Variants in UBR3 observed in about 807,000 individuals in gnomAD.
UBR3 encodes the protein ubiquitin protein ligase E3 component n-recognin 3.
A neutral mutation model predicts 243.2 loss-of-function variants in UBR3; 85 were observed. That is an observed-to-expected ratio of 0.35 (90% CI 0.29 to 0.42). The LOEUF (loss-of-function observed/expected upper bound fraction) is 0.42, where lower values mean the gene tolerates loss of function less well. UBR3 is among the 10% of genes least tolerant of loss of function. The pLI is 1.00. For synonymous variants in UBR3, 748 were observed against 799.8 expected (o/e 0.94, Z 1.09); for missense variants, 1,686 against 2,300.8 (o/e 0.73, Z 5.47).
chr2:169,843,786 CAG>C (rs1447342809), intron 1 of UBR3, among the ~76,000 whole-genome samples: 1 of 152,138 alleles, frequency 6.6e-6, no homozygotes, highest in Non-Finnish European at 1.5e-5. Context: ...ATTTTGGTCT[CAG>C]GGTAAAGCTG....
chr2:170,023,634 C>T (rs555610880), intron 30 of UBR3, among the ~76,000 whole-genome samples: 8 of 152,120 alleles, frequency 5.3e-5, no homozygotes, highest in African/African-American at 1.9e-4. Context: ...GCTCTGTCAC[C>T]CAGGCTGGAG....
At chr2:170,079,368 A>G (rs982224758) in intron 36 of UBR3, among the ~76,000 whole-genome samples, 6 of 152,232 alleles carry the variant, frequency 3.9e-5, no homozygotes, top group Non-Finnish European at 8.8e-5. Context: ...TAAAGTAGAA[A>G]AAATGAGTTA....
chr2:169,950,042 G>A lies in UBR3; in HGVS notation c.3522G>A (p.Lys1174=). The A allele has an allele frequency of 6.4e-7, 1 of 1,564,808 alleles. No homozygotes were observed. The highest frequency in any genetic ancestry group is 8.6e-7 in the Non-Finnish European group (1 of 1,159,942). ...CTAAAAAAGTCACTGCAGCAGAGAA[G>A]AAAACATTGGACAAAGAAGAAAGGT... ...VPPKKVTAAE[K]KTLDKEERRQ... is the part of the protein sequence containing the mutation. The change falls in exon 23 of 39, where the codon AAG becomes AAA. Residue 1174 remains lysine, a synonymous_variant. Transcript: ENST00000272793.
At chr2:169,885,466 A>C (rs115653066) in intron 5 of UBR3, among the ~76,000 whole-genome samples, 1 of 152,074 alleles carries the variant, frequency 6.6e-6, no homozygotes, top group East Asian at 1.9e-4. Flanking sequence ...CTGTAATCCT[A>C]GCTCCGGAGG....
In UBR3 at chr2:170,008,848, T is replaced by C; in HGVS notation, c.4275T>C (p.Asp1425=). ...AAGAAATGGAATCTGTAATGAAAGATATAAAAAATACCACTCAGAAGAAAT... is the reference window on the plus strand; with the variant it reads ...AAGAAATGGAATCTGTAATGAAAGACATAAAAAATACCACTCAGAAGAAAT... ...LSKEMESVMK[D]IKNTTQKKYR... is the part of the protein sequence containing the mutation. The change falls in exon 29 of 39, where the codon GAT becomes GAC. Residue 1425 remains aspartate (D), a synonymous_variant. Transcript: ENST00000272793. The C allele has an allele frequency of 6.7e-7, 1 of 1,500,406 alleles. No individual in the cohort carries two copies. Among genetic ancestry groups the C allele is most frequent in the Non-Finnish European group, 9.2e-7 (1 of 1,089,852 alleles). 92.9% of individuals were successfully genotyped at this position (1,500,406 alleles called of 1,614,324 possible).
intron 8 of UBR3, among the ~76,000 whole-genome samples, chr2:169,903,600 A>T (rs2084908803): frequency 1.3e-5 from 2 of 152,206 alleles, no homozygotes; most frequent in East Asian, 3.9e-4. Context: ...TATTTGGTAA[A>T]ATAATTCTGT....
chr2:170,072,484 A>T (rs904605862), intron 35 of UBR3, among the ~76,000 whole-genome samples: 1 of 152,222 alleles, frequency 6.6e-6, no homozygotes, highest in Non-Finnish European at 1.5e-5. Flanking sequence ...ATGACGAGTT[A>T]ATGGGTACAG....
chr2:169,862,035 T>C (rs1300511796), intron 1 of UBR3, among the ~76,000 whole-genome samples: 5 of 152,232 alleles, frequency 3.3e-5, no homozygotes, highest in Non-Finnish European at 5.9e-5. Flanking sequence ...TGGTTCTATT[T>C]CTGGACCCAT....
chr2:170,049,770 CT>C (rs1429851597), intron 32 of UBR3, among the ~76,000 whole-genome samples: 1 of 152,080 alleles, frequency 6.6e-6, no homozygotes, highest in African/African-American at 2.4e-5. Context: ...GTCTGATTTT[CT>C]TTACTATCGC....
rs555868230 is a variant in UBR3, at chr2:169,848,027, A to C, written c.545+19975A>C. On this transcript the variant is annotated intron_variant, in intron 1 of 38. Transcript: ENST00000272793. Reference sequence around the variant, plus strand: ...CCTAGATGCTTAGTTCTGTCTTCTCAGCTTCATAGAGTTTGGCCCCATTTT... The same window carrying C: ...CCTAGATGCTTAGTTCTGTCTTCTCCGCTTCATAGAGTTTGGCCCCATTTT... Among the ~76,000 whole-genome samples the C allele has an allele frequency of 8.5e-5, 13 of 152,310 alleles. No individual in the cohort carries two copies. In the East Asian group the frequency reaches 2.5e-3, roughly 29 times the overall value.
intron 7 of UBR3, among the ~76,000 whole-genome samples, chr2:169,895,799 T>C (rs1401118268): frequency 1.3e-5 from 2 of 152,168 alleles, no homozygotes; most frequent in Non-Finnish European, 2.9e-5. Flanking sequence ...AAGTTTCTAG[T>C]CCCAGGGGGT....
At chr2:170,000,552 T>C (rs947814274) in intron 26 of UBR3, among the ~76,000 whole-genome samples, 3 of 152,236 alleles carry the variant, frequency 2.0e-5, no homozygotes, top group African/African-American at 7.2e-5. Flanking sequence ...AAATAGATTG[T>C]GGAGTTATTG....
intron 7 of UBR3, 35 bp from the exon 8 acceptor site, chr2:169,896,472 A>T: frequency 7.8e-7 from 1 of 1,281,176 alleles, no homozygotes; most frequent in Non-Finnish European, 1.1e-6. Context: ...AATTAAAACT[A>T]ATGTGTTTTT....
intron 24 of UBR3, among the ~76,000 whole-genome samples, chr2:169,963,050 C>T (rs992855699): frequency 6.6e-6 from 1 of 152,000 alleles, no homozygotes; most frequent in African/African-American, 2.4e-5. Context: ...CGTTAGAAGC[C>T]CCAGTTTTCT....
intron 19 of UBR3, among the ~76,000 whole-genome samples, chr2:169,938,668 A>C (rs2086443595): frequency 6.6e-6 from 1 of 151,606 alleles, no homozygotes; most frequent in Non-Finnish European, 1.5e-5. Context: ...TTTTTCTTTA[A>C]TTTTCCTGTT....
At chr2:169,942,398 A>G (rs2105356755) in intron 19 of UBR3, 95 bp from the exon 20 acceptor site, 5 of 1,277,162 alleles carry the variant, frequency 3.9e-6, no homozygotes, top group African/African-American at 3.0e-5. Flanking sequence ...ACTGCATAAA[A>G]TATTGTGACA....
intron 30 of UBR3, among the ~76,000 whole-genome samples, chr2:170,028,719 A>G (rs991939012): frequency 3.3e-5 from 5 of 151,342 alleles, no homozygotes; most frequent in Non-Finnish European, 7.4e-5. Context: ...AATTTTAAAC[A>G]TGATATTTTC....
intron 8 of UBR3, among the ~76,000 whole-genome samples, chr2:169,896,942 A>G (rs1282008246): frequency 6.6e-6 from 1 of 152,162 alleles, no homozygotes. Context: ...TGTTACGGAC[A>G]TCTTTGAAAA....
intron 24 of UBR3, chr2:169,964,387 C>G (rs1221764077): frequency 1.1e-5 from 5 of 468,194 alleles, no homozygotes; most frequent in African/African-American, 1.0e-4. Flanking sequence ...ACTTTCCACT[C>G]ACAAGTGAGA....
Sources: gnomAD v4.1 joint callset for allele counts (sites outside exome capture counted in the v4.1 genomes callset) on GRCh38, gnomAD v4.1.1 for gene constraint, MANE v1.5 for transcripts, NCBI Gene and HGNC (gene_info 2026-07-23, HGNC 2026-07-21) for gene names.